The following ACBD3 variants were observed in gnomAD, a reference collection of about 807,000 sequenced individuals.
ACBD3 encodes acyl-CoA binding domain containing 3, also known as Golgi resident protein GCP60.
Under a neutral mutation model 66.9 loss-of-function variants are expected in ACBD3, and 30 were observed. The observed-to-expected ratio is 0.45, with a 90% CI of 0.34 to 0.61. ACBD3 has a LOEUF of 0.61. Among genes scored for constraint, ACBD3 ranks in the 20% least tolerant of loss-of-function variants. The pLI, the probability that ACBD3 is intolerant of heterozygous loss-of-function variation, is 0.02. For missense variants in ACBD3, 544 were observed against 664.5 expected (o/e 0.82, Z 1.99); for synonymous variants, 278 against 259.8 (o/e 1.07, Z -0.68).
chr1:226,170,373 A>AC (rs1002631927), intron 1 of ACBD3, among the ~76,000 whole-genome samples: 4 of 116,028 alleles, frequency 3.4e-5, no homozygotes, highest in African/African-American at 1.4e-4. Context: ...ACGGGGTTTC[A>AC]CCATGTTACC....
intron 1 of ACBD3, among the ~76,000 whole-genome samples, chr1:226,181,436 AT>A (rs954929397): frequency 6.6e-6 from 1 of 152,156 alleles, no homozygotes; most frequent in African/African-American, 2.4e-5. Flanking sequence ...CATTAATATA[AT>A]TCTCTCCCAA....
intron 2 of ACBD3, among the ~76,000 whole-genome samples, chr1:226,165,524 T>C (rs993269986): frequency 6.6e-6 from 1 of 152,202 alleles, no homozygotes; most frequent in African/African-American, 2.4e-5. Flanking sequence ...CTCAATGTAT[T>C]CTTTTTTTGT....
rs370139043 is a variant in ACBD3 at position 226,185,930 on chromosome 1, T to C, written c.286+460A>G. Among the ~76,000 whole-genome samples, 28 of 152,248 alleles carry C rather than the reference T, an allele frequency of 1.8e-4. No homozygotes were observed. The South Asian group carries it at 4.1e-3, about 23-fold the overall frequency. On this transcript the variant is annotated intron_variant, in intron 1 of 7. Coordinates refer to ENST00000366812, the MANE Select transcript of ACBD3 (RefSeq NM_022735.4). Reference sequence around the variant, plus strand: ...TTCCCAAGAATGGCTGGAAAAGCTATGTATGGAACCTCTTGACAGATTTCT... The same window carrying C: ...TTCCCAAGAATGGCTGGAAAAGCTACGTATGGAACCTCTTGACAGATTTCT...
chr1:226,166,600 C>T (rs1469448159), intron 1 of ACBD3, among the ~76,000 whole-genome samples: 2 of 151,856 alleles, frequency 1.3e-5, no homozygotes, highest in African/African-American at 4.8e-5. Flanking sequence ...ATCCTCCCAC[C>T]TCAGTCACCC....
intron 7 of ACBD3, among the ~76,000 whole-genome samples, chr1:226,149,529 C>CTTT (rs1170130229): frequency 0.079 from 2,344 of 29,546 alleles, 820 homozygotes; most frequent in African/African-American, 0.11. Context: ...GCCCAGCCAT[C>CTTT]TTTTTTTTTT....
chr1:226,164,965 T>C, intron 2 of ACBD3, 36 bp from the exon 3 acceptor site: 1 of 1,504,212 alleles, frequency 6.6e-7, no homozygotes, highest in Non-Finnish European at 8.9e-7. Context: ...CCTCCCCTTC[T>C]TAGTAGAATG....
intron 6 of ACBD3, 141 bp from the exon 7 acceptor site, chr1:226,152,760 T>TA: frequency 3.8e-6 from 3 of 797,430 alleles, no homozygotes; most frequent in Middle Eastern, 7.5e-4. Context: ...CTTGGAGGAA[T>TA]AAAAAAGCCT....
At chr1:226,172,155 C>CAAAAAA (rs779380166) in intron 1 of ACBD3, among the ~76,000 whole-genome samples, 30 of 43,224 alleles carry the variant, frequency 6.9e-4, no homozygotes, top group East Asian at 4.4e-3. Flanking sequence ...AACTCCATCT[C>CAAAAAA]AAAAAAAAAA....
At chr1:226,158,423 A>G (rs1260101118) in intron 5 of ACBD3, among the ~76,000 whole-genome samples, 2 of 152,224 alleles carry the variant, frequency 1.3e-5, no homozygotes, top group African/African-American at 4.8e-5. Context: ...CAAGTACAAA[A>G]ATCGTTCACA....
At chr1:226,169,089 C>T (rs937603224) in intron 1 of ACBD3, among the ~76,000 whole-genome samples, 3 of 152,142 alleles carry the variant, frequency 2.0e-5, no homozygotes, top group Non-Finnish European at 4.4e-5. Context: ...TCTCCAACTT[C>T]TGACCTCAGG....
chr1:226,172,024 G>A (rs942441882), intron 1 of ACBD3, among the ~76,000 whole-genome samples: 3 of 151,322 alleles, frequency 2.0e-5, no homozygotes, highest in Admixed American at 1.3e-4. Flanking sequence ...GCATGCTGGC[G>A]CACACCTATA....
intron 1 of ACBD3, among the ~76,000 whole-genome samples, chr1:226,175,632 G>A (rs1490515697): frequency 6.6e-6 from 1 of 151,450 alleles, no homozygotes; most frequent in Non-Finnish European, 1.5e-5. Flanking sequence ...GAGAGATACA[G>A]ACATACATTA....
At chr1:226,172,237 T>C (rs965666233) in intron 1 of ACBD3, among the ~76,000 whole-genome samples, 2 of 151,468 alleles carry the variant, frequency 1.3e-5, no homozygotes, top group African/African-American at 4.9e-5. Flanking sequence ...TGAACTTCAG[T>C]GCTTAAGCCT....
chr1:226,170,999 G>A (rs9727021), intron 1 of ACBD3, among the ~76,000 whole-genome samples: 21,162 of 151,986 alleles, frequency 0.14, 1,667 homozygotes, highest in Middle Eastern at 0.22. Context: ...GGTTGGTCTC[G>A]AGCTCCTGGC....
At chr1:226,176,043 T>G (rs1656023649) in intron 1 of ACBD3, among the ~76,000 whole-genome samples, 1 of 152,172 alleles carries the variant, frequency 6.6e-6, no homozygotes, top group Non-Finnish European at 1.5e-5. Flanking sequence ...CCCAATGTAA[T>G]CATAAGGGTC....
chr1:226,177,171 T>G (rs1656057738), intron 1 of ACBD3, among the ~76,000 whole-genome samples: 1 of 151,574 alleles, frequency 6.6e-6, no homozygotes, highest in African/African-American at 2.4e-5. Context: ...GCTGTTTTTT[T>G]TTTTTTTTTT....
At chr1:226,157,800 C>A (rs1260897221) in intron 5 of ACBD3, among the ~76,000 whole-genome samples, 2 of 152,198 alleles carry the variant, frequency 1.3e-5, no homozygotes, top group African/African-American at 4.8e-5. Context: ...GCCTTGGCTT[C>A]CCCAGGTGCT....
chr1:226,152,278 T>A, intron 7 of ACBD3, 57 bp downstream of exon 7: 6 of 1,588,742 alleles, frequency 3.8e-6, no homozygotes, highest in Non-Finnish European at 5.1e-6. Context: ...CTGAACTATG[T>A]ACCATTTCTG....
intron 1 of ACBD3, among the ~76,000 whole-genome samples, chr1:226,179,027 C>T (rs972052108): frequency 2.6e-5 from 4 of 152,166 alleles, no homozygotes; most frequent in African/African-American, 9.7e-5. Context: ...ATTGTGTTTG[C>T]CCTGAGTTCT....
Sources: allele counts gnomAD v4.1 joint callset (sites outside exome capture counted in the v4.1 genomes callset), GRCh38; gene constraint gnomAD v4.1.1; transcripts MANE v1.5; gene names NCBI Gene and HGNC (gene_info 2026-07-23, HGNC 2026-07-21).